TMEM170B: variants seen among roughly 807,000 people sequenced by gnomAD.
TMEM170B encodes the protein transmembrane protein 170B.
A neutral mutation model predicts 13.0 loss-of-function variants in TMEM170B; 6 were observed. The observed-to-expected ratio is 0.46, with a 90% confidence interval of 0.25 to 0.91. TMEM170B has a LOEUF of 0.91. TMEM170B is among the 40% of genes least tolerant of loss of function. The pLI is 0.17. For missense variants in TMEM170B, 138 were observed against 165.2 expected (o/e 0.84, Z 0.90); for synonymous variants, 61 against 64.9 (o/e 0.94, Z 0.29).
rs745586455 is a variant in TMEM170B at position 11,575,115 on chromosome 6, G to A, written c.269-316G>A. On this transcript the variant is annotated intron_variant, in intron 2 of 2. Coordinates refer to ENST00000379426, the MANE Select transcript of TMEM170B (RefSeq NM_001100829.3). This position sits in a 1 kb window ranked among gnomAD's most constrained non-coding sequence, Gnocchi z 4.1. ...GCTAAAGAGGTCTAGTTAATTGAAT[G>A]CCCAGGTGAGAGGTTGCAATAATGA... Among the ~76,000 whole-genome samples, 14 of 151,900 alleles carry A rather than the reference G, an allele frequency of 9.2e-5. No homozygotes were observed. The highest frequency in any genetic ancestry group is 1.8e-4 in the Non-Finnish European group (12 of 67,974).
chr6:11,565,468 A>G (rs1383166643), intron 1 of TMEM170B, among the ~76,000 whole-genome samples, 198 bp from the exon 2 acceptor site: 2 of 152,204 alleles, frequency 1.3e-5, no homozygotes, highest in African/African-American at 4.8e-5. Flanking sequence ...CATGGAAGGA[A>G]TTATTTCCCC....
In TMEM170B at chr6:11,579,971, C is replaced by T. The variant is rs930909454; in HGVS notation, c.*4410C>T. 2 of 152,190 alleles carry T rather than the reference C, an allele frequency of 1.3e-5. No homozygotes were observed. The highest frequency in any genetic ancestry group is 2.9e-5 in the Non-Finnish European group (2 of 68,064). The allele number at this position is 152,190 out of a possible 1,614,324, so 9.4% of individuals were successfully genotyped here. ...TCAGTGTCTACCAAGTTCTTTCTTC[C>T]ACAGGCCAAGGGTGCTTAAGCCCTA... is the stretch of plus-strand genomic sequence containing the variant. On this transcript the variant is annotated 3_prime_UTR_variant, in exon 3 of 3. Transcript: ENST00000379426.
rs1289652801 is a variant in TMEM170B at position 11,582,489 on chromosome 6, CTG to C, written c.*6931_*6932del. The C allele has an allele frequency of 1.3e-5, 2 of 151,928 alleles. No individual in the cohort carries two copies. The highest frequency in any genetic ancestry group is 2.9e-5 in the Non-Finnish European group (2 of 67,964). The allele number at this position is 151,928 out of a possible 1,614,324, so 9.4% of individuals were successfully genotyped here. On this transcript the variant is annotated 3_prime_UTR_variant, in exon 3 of 3. Transcript: ENST00000379426. ...TGTAAATCAGTTACTTAGTCATTGA[CTG>C]TGACAGATGACAGCTACTTTCACTA...
Position 11,545,635 on chromosome 6 carries a change from G to A in TMEM170B, c.97+7261G>A, listed in dbSNP as rs573917550. Among the ~76,000 whole-genome samples the A allele has an allele frequency of 1.2e-4, 18 of 152,104 alleles. No homozygotes were observed. In the South Asian group the frequency reaches 3.3e-3, roughly 28 times the overall value. On this transcript the variant is annotated intron_variant, in intron 1 of 2. Transcript: ENST00000379426. ...GTTGTATAAAAGTAGAGCATATATA[G>A]TTATGTACAGTACATAATACTTGAT... is the stretch of plus-strand genomic sequence containing the variant.
chr6:11,561,874 A>G lies in TMEM170B; in HGVS notation c.98-3792A>G, dbSNP rs188421627. On this transcript the variant is annotated intron_variant, in intron 1 of 2. Coordinates refer to ENST00000379426, the MANE Select transcript of TMEM170B (RefSeq NM_001100829.3). ...ACCTTTGGTTTTTATAAAACATTAAACTGAAATTTTACTTTGCCTTCTATT... is the reference window on the plus strand; with the variant it reads ...ACCTTTGGTTTTTATAAAACATTAAGCTGAAATTTTACTTTGCCTTCTATT... Among the ~76,000 whole-genome samples, 189 of 152,296 alleles carry G rather than the reference A, an allele frequency of 1.2e-3. 2 individuals carry two copies. Among genetic ancestry groups the G allele is most frequent in the South Asian group, 6.6e-3 (32 of 4,820 alleles).
chr6:11,546,557 C>G (rs552629334), intron 1 of TMEM170B, among the ~76,000 whole-genome samples: 1 of 152,306 alleles, frequency 6.6e-6, no homozygotes, highest in South Asian at 2.1e-4. Context: ...TCCAGGCCTG[C>G]AAGCTCTATT....
chr6:11,555,811 C>T (rs1268242484), intron 1 of TMEM170B, among the ~76,000 whole-genome samples: 3 of 152,154 alleles, frequency 2.0e-5, no homozygotes, highest in Non-Finnish European at 2.9e-5. Context: ...AGTTGTTTTT[C>T]CTGTTTTTGA....
chr6:11,564,011 T>A (rs1759704852), intron 1 of TMEM170B, among the ~76,000 whole-genome samples: 2 of 152,260 alleles, frequency 1.3e-5, no homozygotes, highest in South Asian at 4.1e-4. Flanking sequence ...TTTGTGATGA[T>A]TTATTTCACT....
chr6:11,578,358 C>T lies in TMEM170B; in HGVS notation c.*2797C>T, dbSNP rs138675767. On this transcript the variant is annotated 3_prime_UTR_variant, in exon 3 of 3. Transcript: ENST00000379426. The stretch of plus-strand genomic sequence containing the variant: ...GGGAGGGAGGATCCTCTATAGTGGA[C>T]ACTCCTTTATTTAAAAAATGTTTAA... 1 of 152,210 alleles carries T rather than the reference C, an allele frequency of 6.6e-6. No individual in the cohort carries two copies. The highest frequency in any genetic ancestry group is 2.4e-5 in the African/African-American group (1 of 41,540). 9.4% of individuals were successfully genotyped at this position (152,210 alleles called of 1,614,324 possible).
Position 11,583,374 on chromosome 6 carries a change from C to A in TMEM170B, c.*7813C>A, listed in dbSNP as rs553384333. On this transcript the variant is annotated 3_prime_UTR_variant, in exon 3 of 3. Transcript: ENST00000379426. ...AGGGTGAACTCTTTACTGATACACA[C>A]AAGACAACTGTTAAAAAGTGAATCC... 1.3e-5 allele frequency: 2 copies of A among 152,122 alleles called. No homozygotes were observed. Among genetic ancestry groups the A allele is most frequent in the Non-Finnish European group, 2.9e-5 (2 of 68,034 alleles). The allele number at this position is 152,122 out of a possible 1,614,324, so 9.4% of individuals were successfully genotyped here. A position where few individuals can be genotyped will look rare whatever the true frequency, so the allele number is the denominator to read the frequency against.
At chr6:11,567,168 G>A (rs537736134) in intron 2 of TMEM170B, among the ~76,000 whole-genome samples, 14 of 152,336 alleles carry the variant, frequency 9.2e-5, no homozygotes, top group African/African-American at 3.1e-4. Flanking sequence ...TGCAGCCACT[G>A]GTTGAGCAGA....
chr6:11,549,042 G>C (rs900263524), intron 1 of TMEM170B, among the ~76,000 whole-genome samples: 1 of 152,084 alleles, frequency 6.6e-6, no homozygotes, highest in African/African-American at 2.4e-5. Context: ...CCTGCACGTT[G>C]TGCACATGTA....
chr6:11,557,042 C>T (rs1759599584), intron 1 of TMEM170B, among the ~76,000 whole-genome samples: 1 of 152,142 alleles, frequency 6.6e-6, no homozygotes, highest in Non-Finnish European at 1.5e-5. Flanking sequence ...TCACTTGTGT[C>T]ATTTACTCAA....
intron 1 of TMEM170B, among the ~76,000 whole-genome samples, chr6:11,545,943 C>A (rs12202370): frequency 0.061 from 8,746 of 143,640 alleles, 273 homozygotes; most frequent in East Asian, 0.17. Context: ...ACCTGGGAGG[C>A]AGAGCTTGCA....
intron 1 of TMEM170B, among the ~76,000 whole-genome samples, chr6:11,555,148 T>G (rs1561909381): frequency 6.6e-6 from 1 of 152,174 alleles, no homozygotes; most frequent in Non-Finnish European, 1.5e-5. Context: ...GACATTTCTG[T>G]TGAATATAGA....
In TMEM170B at chr6:11,576,853, TGTG is replaced by T. The variant is rs2113787130; in HGVS notation, c.*1293_*1295del. 6.6e-6 allele frequency: 1 copy of T among 152,208 alleles called. No homozygotes were observed. Among genetic ancestry groups the T allele is most frequent in the South Asian group, 2.1e-4 (1 of 4,830 alleles). 9.4% of individuals were successfully genotyped at this position (152,208 alleles called of 1,614,324 possible). A position where few individuals can be genotyped will look rare whatever the true frequency, so the allele number is the denominator to read the frequency against. ...ATGATTTAAGTTTAGTAGAAGAATC[TGTG>T]AGGGCATATAGCAAAAGTGGAAATG... On this transcript the variant is annotated 3_prime_UTR_variant, in exon 3 of 3. Transcript: ENST00000379426.
Position 11,563,009 on chromosome 6 carries a change from TA to T in TMEM170B, c.98-2649del, listed in dbSNP as rs200551414. Among the ~76,000 whole-genome samples, 182 of 152,186 alleles carry T rather than the reference TA, an allele frequency of 1.2e-3. 3 individuals carry two copies. In the East Asian group the frequency reaches 0.026, roughly 21 times the overall value. The stretch of plus-strand genomic sequence containing the variant: ...TCATGCTTTTAAATTTTTTACTTTT[TA>T]AAAAAAATTGGTAAAAACATAACTG... On this transcript the variant is annotated intron_variant, in intron 1 of 2. Transcript: ENST00000379426.
rs368363678 is a variant in TMEM170B at position 11,545,790 on chromosome 6, G to A, written c.97+7416G>A. On this transcript the variant is annotated intron_variant, in intron 1 of 2. Transcript: ENST00000379426. ...TGGGAGGCCGAGGCAGGTGGATCACGAGGTCAGGAGATCGAGACCATCCTG... is the reference window on the plus strand; with the variant it reads ...TGGGAGGCCGAGGCAGGTGGATCACAAGGTCAGGAGATCGAGACCATCCTG... Among the ~76,000 whole-genome samples, 34 of 151,564 alleles carry A rather than the reference G, an allele frequency of 2.2e-4. 1 individual carries two copies. Among genetic ancestry groups the A allele is most frequent in the African/African-American group, 5.6e-4 (23 of 41,304 alleles).
In TMEM170B at chr6:11,576,911, T is replaced by C. The variant is rs1759881045; in HGVS notation, c.*1350T>C. On this transcript the variant is annotated 3_prime_UTR_variant, in exon 3 of 3. Coordinates refer to ENST00000379426, the MANE Select transcript of TMEM170B (RefSeq NM_001100829.3). Reference sequence around the variant, plus strand: ...TTATATAAAACATTTTAAGAGGTTCTGGCAATACGTAATTGTAAGAGTATA... The same window carrying C: ...TTATATAAAACATTTTAAGAGGTTCCGGCAATACGTAATTGTAAGAGTATA... 6.6e-6 allele frequency: 1 copy of C among 152,154 alleles called. No homozygotes were observed. The highest frequency in any genetic ancestry group is 2.4e-5 in the African/African-American group (1 of 41,460). The allele number at this position is 152,154 out of a possible 1,614,324, so 9.4% of individuals were successfully genotyped here. A position where few individuals can be genotyped will look rare whatever the true frequency, so the allele number is the denominator to read the frequency against.
Sources: gnomAD v4.1 joint callset for allele counts (sites outside exome capture counted in the v4.1 genomes callset) on GRCh38, gnomAD v4.1.1 for gene constraint, Gnocchi (gnomAD v3.1) non-coding constraint, MANE v1.5 for transcripts, NCBI Gene and HGNC (gene_info 2026-07-23, HGNC 2026-07-21) for gene names.